SEMA5A: variants seen among roughly 807,000 people sequenced by gnomAD.
The protein encoded by SEMA5A is semaphorin 5A, also known as semaphorin-5A.
SEMA5A carries 55 observed loss-of-function variants against 135.5 expected under a neutral mutation model. That is an observed-to-expected ratio of 0.41 (90% CI 0.33 to 0.51). The LOEUF is 0.51. SEMA5A is among the 20% of genes least tolerant of loss of function. SEMA5A has a pLI of 0.37. For synonymous variants in SEMA5A, 580 were observed against 546.5 expected, an observed-to-expected ratio of 1.06 and a Z score of -0.85; for missense variants, 1,290 against 1,419.9, an observed-to-expected ratio of 0.91 and a Z score of 1.47.
chr5:9,166,310 A>G (rs1743605206), intron 11 of SEMA5A, among the ~76,000 whole-genome samples: 2 of 152,010 alleles, frequency 1.3e-5, no homozygotes, highest in Non-Finnish European at 1.5e-5. Context: ...CTGGGGCACA[A>G]CAGCCCAGGT....
At chr5:9,073,024 A>G (rs1467580992) in intron 16 of SEMA5A, among the ~76,000 whole-genome samples, 4 of 152,228 alleles carry the variant, frequency 2.6e-5, no homozygotes, top group Non-Finnish European at 5.9e-5. Context: ...AACTTGCAAC[A>G]TGCCAGCTGT....
At chr5:9,310,118 C>G (rs1329424814) in intron 5 of SEMA5A, among the ~76,000 whole-genome samples, 1 of 151,880 alleles carries the variant, frequency 6.6e-6, no homozygotes, top group Non-Finnish European at 1.5e-5. Context: ...TACTAGGTAC[C>G]ATAATAGGTG....
chr5:9,460,360 A>G (rs1165598675), intron 1 of SEMA5A, among the ~76,000 whole-genome samples: 2 of 152,196 alleles, frequency 1.3e-5, no homozygotes, highest in African/African-American at 2.4e-5. Context: ...AACAGTTTTA[A>G]CAAAACAGAA....
At chr5:9,130,456 A>T (rs928248743) in intron 13 of SEMA5A, among the ~76,000 whole-genome samples, 3 of 152,212 alleles carry the variant, frequency 2.0e-5, no homozygotes, top group African/African-American at 7.2e-5. Context: ...CAAATGAGTT[A>T]CACAGGAAAT....
intron 1 of SEMA5A, among the ~76,000 whole-genome samples, chr5:9,466,515 T>A (rs1759268660): frequency 6.6e-6 from 1 of 151,926 alleles, no homozygotes; most frequent in African/African-American, 2.4e-5. Flanking sequence ...TGAGATAGAA[T>A]TTTGTGGCTA....
chr5:9,093,599 C>T (rs540198412), intron 16 of SEMA5A, among the ~76,000 whole-genome samples: 142 of 151,654 alleles, frequency 9.4e-4, no homozygotes, highest in Non-Finnish European at 1.6e-3. Context: ...CCCATCTACT[C>T]GGGAGGCTGA....
At chr5:9,252,807 T>C (rs1579716359) in intron 5 of SEMA5A, among the ~76,000 whole-genome samples, 1 of 152,302 alleles carries the variant, frequency 6.6e-6, no homozygotes, top group South Asian at 2.1e-4. Context: ...CCAAGCCCTT[T>C]CTTATACAGC....
intron 1 of SEMA5A, among the ~76,000 whole-genome samples, chr5:9,541,877 C>T (rs938049959): frequency 3.9e-5 from 6 of 152,144 alleles, no homozygotes; most frequent in Non-Finnish European, 8.8e-5. Flanking sequence ...GCTATACAAC[C>T]TTTTAGATGG....
chr5:9,294,508 GT>G (rs1440167519), intron 5 of SEMA5A, among the ~76,000 whole-genome samples: 1 of 152,112 alleles, frequency 6.6e-6, no homozygotes, highest in Non-Finnish European at 1.5e-5. Context: ...CCTCTTTCAT[GT>G]CAACACCTAT....
chr5:9,493,813 C>G (rs759399074), intron 1 of SEMA5A, among the ~76,000 whole-genome samples: 17 of 152,116 alleles, frequency 1.1e-4, no homozygotes, highest in Non-Finnish European at 2.2e-4. Flanking sequence ...ACACCAGCAG[C>G]CTCTCAGAAC....
intron 2 of SEMA5A, among the ~76,000 whole-genome samples, chr5:9,381,981 T>TGC (rs112343169): frequency 6.0e-5 from 6 of 99,914 alleles, no homozygotes; most frequent in Non-Finnish European, 8.6e-5. Context: ...TGTGTGTGTG[T>TGC]GCGCGCGCGC....
chr5:9,364,291 C>T (rs1434595997), intron 3 of SEMA5A, among the ~76,000 whole-genome samples: 3 of 152,150 alleles, frequency 2.0e-5, no homozygotes, highest in Non-Finnish European at 4.4e-5. Context: ...GAGTGAAGAA[C>T]TATATCTTAT....
chr5:9,234,491 C>T (rs1279227944), intron 6 of SEMA5A, among the ~76,000 whole-genome samples: 1 of 152,230 alleles, frequency 6.6e-6, no homozygotes, highest in African/African-American at 2.4e-5. Context: ...GTTTGTAAAG[C>T]TACTGCATCA....
intron 5 of SEMA5A, among the ~76,000 whole-genome samples, chr5:9,254,777 G>T (rs563044646): frequency 6.6e-6 from 1 of 152,242 alleles, no homozygotes; most frequent in African/African-American, 2.4e-5. Context: ...AAGGAGCTAA[G>T]ATTCAAATGT....
At chr5:9,085,070 G>T (rs919540135) in intron 16 of SEMA5A, among the ~76,000 whole-genome samples, 1 of 152,168 alleles carries the variant, frequency 6.6e-6, no homozygotes. Flanking sequence ...AGATGATTTA[G>T]AGTATCTGGC....
chr5:9,135,359 T>G (rs1047329701), intron 13 of SEMA5A, among the ~76,000 whole-genome samples: 6 of 151,870 alleles, frequency 4.0e-5, no homozygotes, highest in African/African-American at 1.2e-4. Flanking sequence ...TTTTTGTATT[T>G]TTTAGCAGAG....
At chr5:9,118,944 C>G in intron 15 of SEMA5A, 54 bp downstream of exon 15, 3 of 1,585,774 alleles carry the variant, frequency 1.9e-6, no homozygotes, top group Non-Finnish European at 2.6e-6. Flanking sequence ...TCGACCTGGC[C>G]GGAATGAGAG....
intron 16 of SEMA5A, among the ~76,000 whole-genome samples, chr5:9,077,602 C>A (rs1006534788): frequency 6.6e-6 from 1 of 152,332 alleles, no homozygotes; most frequent in Non-Finnish European, 1.5e-5. Context: ...CCTTATCATG[C>A]ATCATGAACC....
intron 4 of SEMA5A, among the ~76,000 whole-genome samples, chr5:9,318,888 C>T (rs555539148): frequency 2.0e-5 from 3 of 152,282 alleles, no homozygotes; most frequent in South Asian, 2.1e-4. Context: ...GGATTCAGTA[C>T]GTAATAAACG....
Sources: allele counts gnomAD v4.1 joint callset (sites outside exome capture counted in the v4.1 genomes callset), GRCh38; gene constraint gnomAD v4.1.1; transcripts MANE v1.5; gene names NCBI Gene and HGNC (gene_info 2026-07-23, HGNC 2026-07-21).